NRG1: variants seen among roughly 807,000 people sequenced by gnomAD.
The protein encoded by NRG1 is pro-neuregulin-1, membrane-bound isoform.
A neutral mutation model predicts 63.8 loss-of-function variants in NRG1; 18 were observed. The observed-to-expected ratio is 0.28, with a 90% CI of 0.19 to 0.42. The LOEUF is 0.42. Ranked by LOEUF, NRG1 falls within the 10% of genes least tolerant of loss-of-function variation. NRG1 has a pLI of 1.00. For synonymous variants in NRG1, 302 were observed against 301.3 expected (o/e 1.00, Z -0.02); for missense variants, 762 against 814.7 (o/e 0.94, Z 0.79).
At chr8:32,391,180 G>T (rs977513789) in intron 1 of NRG1, among the ~76,000 whole-genome samples, 2 of 152,020 alleles carry the variant, frequency 1.3e-5, no homozygotes, top group Non-Finnish European at 2.9e-5. Flanking sequence ...GCCCAGGCTG[G>T]AGTGCAGTGG....
chr8:31,725,983 A>G (rs1813394843), intron 1 of NRG1, among the ~76,000 whole-genome samples: 1 of 152,160 alleles, frequency 6.6e-6, no homozygotes, highest in Admixed American at 6.6e-5. Flanking sequence ...TTTATTTTAA[A>G]CATAATAGTG....
chr8:31,991,198 T>C (rs1011649334), intron 1 of NRG1, among the ~76,000 whole-genome samples: 7 of 152,056 alleles, frequency 4.6e-5, no homozygotes, highest in East Asian at 1.9e-4. Context: ...ATTTTTTAAG[T>C]GATCGAGTAA....
At chr8:31,839,518 A>G (rs1825994738) in intron 1 of NRG1, among the ~76,000 whole-genome samples, 1 of 152,222 alleles carries the variant, frequency 6.6e-6, no homozygotes, top group African/African-American at 2.4e-5. Context: ...GTCTAGCCGT[A>G]TAAAGTTACT....
intron 1 of NRG1, among the ~76,000 whole-genome samples, chr8:32,492,376 A>G (rs1488342400): frequency 6.7e-6 from 1 of 150,180 alleles, no homozygotes; most frequent in Admixed American, 6.6e-5. Context: ...TTTTCCATGC[A>G]CCAATACTCC....
At chr8:31,730,468 C>A (rs890504259) in intron 1 of NRG1, among the ~76,000 whole-genome samples, 10 of 152,064 alleles carry the variant, frequency 6.6e-5, no homozygotes, top group Non-Finnish European at 1.5e-4. Flanking sequence ...TATACACACA[C>A]ATAACTATTG....
intron 1 of NRG1, among the ~76,000 whole-genome samples, chr8:32,002,782 A>G (rs761866768): frequency 7.2e-5 from 11 of 152,104 alleles, no homozygotes; most frequent in Admixed American, 2.0e-4. Context: ...GCACCTATCT[A>G]TAAATATTTC....
chr8:32,057,967 A>C (rs1381863), intron 1 of NRG1, among the ~76,000 whole-genome samples: 11,227 of 152,104 alleles, frequency 0.074, 546 homozygotes, highest in Middle Eastern at 0.17. Context: ...TCTATTTTCT[A>C]TCTCAAAATA....
chr8:32,428,892 T>C (rs1484851950), intron 1 of NRG1, among the ~76,000 whole-genome samples: 1 of 152,204 alleles, frequency 6.6e-6, no homozygotes, highest in Non-Finnish European at 1.5e-5. Flanking sequence ...TCATACCAGG[T>C]AGGTTTTTGT....
At chr8:32,008,038 G>A (rs1282034317) in intron 1 of NRG1, among the ~76,000 whole-genome samples, 2 of 152,108 alleles carry the variant, frequency 1.3e-5, no homozygotes, top group Admixed American at 6.6e-5. Flanking sequence ...ACTTGAATCA[G>A]TATAGGTGGG....
At chr8:32,686,732 T>A (rs532412258) in intron 5 of NRG1, among the ~76,000 whole-genome samples, 2 of 152,208 alleles carry the variant, frequency 1.3e-5, no homozygotes, top group African/African-American at 4.8e-5. Flanking sequence ...TGAGCAAGGT[T>A]TAGATGAGGG....
chr8:32,028,614 A>G (rs182798989), intron 1 of NRG1, among the ~76,000 whole-genome samples: 89 of 152,326 alleles, frequency 5.8e-4, no homozygotes, highest in Middle Eastern at 3.4e-3. Context: ...TGAATGTTAA[A>G]TGTCTTGCTA....
chr8:31,754,837 T>C (rs963837464), intron 1 of NRG1, among the ~76,000 whole-genome samples: 1 of 152,066 alleles, frequency 6.6e-6, no homozygotes, highest in Non-Finnish European at 1.5e-5. Context: ...TGCAAAATTT[T>C]ATTGCAAAAC....
Position 32,636,728 on chromosome 8 carries a change from A to T in NRG1, c.502+19843A>T, listed in dbSNP as rs1287968612. On this transcript the variant is annotated intron_variant, in intron 5 of 11. Transcript: ENST00000356819. ...GTATTGGGTGAGGGGAGGGGGACAG[A>T]AAAAGCTCTTAGATGTTCTATAGCA... 3.3e-5 allele frequency among the ~76,000 whole-genome samples: 5 copies of T among 152,342 alleles called. No homozygotes were observed. The East Asian group carries it at 9.7e-4, about 29-fold the overall frequency.
At chr8:32,555,638 A>AT (rs1265388180) in intron 1 of NRG1, among the ~76,000 whole-genome samples, 2 of 151,920 alleles carry the variant, frequency 1.3e-5, no homozygotes, top group Admixed American at 6.6e-5. Flanking sequence ...CGCCCGGCTG[A>AT]TTTTTTGTAT....
chr8:31,778,449 C>G (rs1034582939), intron 1 of NRG1, among the ~76,000 whole-genome samples: 3 of 152,146 alleles, frequency 2.0e-5, no homozygotes, highest in African/African-American at 4.8e-5. Context: ...CTTCCTTCCC[C>G]CAAGTGTACT....
chr8:32,713,481 A>G (rs1200328404), intron 5 of NRG1, among the ~76,000 whole-genome samples: 1 of 151,904 alleles, frequency 6.6e-6, no homozygotes, highest in Non-Finnish European at 1.5e-5. Context: ...CTTCAAATTC[A>G]TTGTCTAAAT....
chr8:31,660,807 A>G (rs964937658), intron 1 of NRG1, among the ~76,000 whole-genome samples: 1 of 152,174 alleles, frequency 6.6e-6, no homozygotes, highest in Non-Finnish European at 1.5e-5. Context: ...TTATCTTGAG[A>G]TAAGGCTTTC....
intron 1 of NRG1, among the ~76,000 whole-genome samples, chr8:32,108,575 C>G (rs1201362409): frequency 6.6e-6 from 1 of 152,022 alleles, no homozygotes; most frequent in African/African-American, 2.4e-5. Context: ...GGGGCATAAT[C>G]AAACCATATT....
intron 1 of NRG1, among the ~76,000 whole-genome samples, chr8:32,292,932 C>T (rs1014664263): frequency 3.3e-5 from 5 of 151,882 alleles, no homozygotes; most frequent in South Asian, 2.1e-4. Flanking sequence ...GGTGAAACCC[C>T]GTCTCTACTA....
Sources: allele counts gnomAD v4.1 joint callset (sites outside exome capture counted in the v4.1 genomes callset), GRCh38; gene constraint gnomAD v4.1.1; transcripts MANE v1.5; gene names NCBI Gene and HGNC (gene_info 2026-07-23, HGNC 2026-07-21).